Variants in VCAN observed in about 807,000 individuals in gnomAD.
VCAN encodes versican core protein.
In VCAN, 44 loss-of-function variants were observed where a neutral mutation model predicts 245.5. The observed-to-expected ratio is 0.18, with a 90% CI of 0.14 to 0.23. The LOEUF (loss-of-function observed/expected upper bound fraction) is 0.23, where lower values mean the gene tolerates loss of function less well. VCAN is among the 10% of genes least tolerant of loss of function. The pLI is 1.00. For missense variants in VCAN, 3,793 were observed against 4,057.9 expected (o/e 0.93, Z 1.77); for synonymous variants, 1,413 against 1,437.0 (o/e 0.98, Z 0.38).
intron 12 of VCAN, among the ~76,000 whole-genome samples, chr5:83,557,996 AGT>A (rs1183136277): frequency 6.6e-6 from 1 of 152,192 alleles, no homozygotes; most frequent in African/African-American, 2.4e-5. Context: ...GTAAAATAAA[AGT>A]GTGCTAAGGA....
In VCAN at chr5:83,580,439, T is replaced by G. The variant is rs1333989717; in HGVS notation, c.*5T>G. 6.2e-7 allele frequency: 1 copy of G among 1,613,704 alleles called. No homozygotes were observed. Among genetic ancestry groups the G allele is most frequent in the Non-Finnish European group, 8.5e-7 (1 of 1,179,816 alleles). ...TGGCAGGAGTCGAGGCGCTGATCCC[T>G]AAAATGGCGAACATGTGTTTTCATC... On this transcript the variant is annotated 3_prime_UTR_variant, in exon 15 of 15. Coordinates refer to ENST00000265077, the MANE Select transcript of VCAN (RefSeq NM_004385.5).
At position 83,537,096 on chromosome 5, in the gene VCAN, C is replaced by T. The variant is rs1319209136; in HGVS notation, c.4093C>T (p.His1365Tyr). Residue 1365 changes from histidine (H) to tyrosine (Y), a missense_variant, in exon 8 of 15, where the codon CAT becomes TAT. Coordinates refer to ENST00000265077, the MANE Select transcript of VCAN (RefSeq NM_004385.5). ...TTGTAGTGAAGAAACAGATCCAGTGCATGATCTAATGGCTGAAATTTTACC... is the reference window on the plus strand; with the variant it reads ...TTGTAGTGAAGAAACAGATCCAGTGTATGATCTAATGGCTGAAATTTTACC... ...EPCSEETDPV[H>Y]DLMAEILPEF... 1.2e-6 allele frequency: 2 copies of T among 1,613,822 alleles called. No individual in the cohort carries two copies. The highest frequency in any genetic ancestry group is 2.2e-5 in the East Asian group (1 of 44,862).
intron 1 of VCAN, among the ~76,000 whole-genome samples, chr5:83,480,557 GC>G (rs1313544463): frequency 3.3e-5 from 5 of 152,276 alleles, no homozygotes; most frequent in African/African-American, 1.2e-4. Flanking sequence ...AGAAATAGAG[GC>G]GTTGATCATG....
chr5:83,479,940 G>T (rs1485170098), intron 1 of VCAN, among the ~76,000 whole-genome samples: 2 of 152,120 alleles, frequency 1.3e-5, no homozygotes, highest in Admixed American at 1.3e-4. Flanking sequence ...AGTGGAAATG[G>T]GTAAGAGACT....
chr5:83,545,945 T>C (rs529998), intron 9 of VCAN, among the ~76,000 whole-genome samples: 92,976 of 152,012 alleles, frequency 0.61, 29,701 homozygotes, highest in African/African-American at 0.81. Context: ...AAATGTACAT[T>C]TATCCCCCAA....
chr5:83,516,737 G>C (rs1427864793), intron 6 of VCAN, among the ~76,000 whole-genome samples: 1 of 152,254 alleles, frequency 6.6e-6, no homozygotes, highest in East Asian at 1.9e-4. Context: ...GACACTGTTA[G>C]AATAATCTGG....
intron 1 of VCAN, among the ~76,000 whole-genome samples, chr5:83,474,189 G>A (rs1308316081): frequency 6.6e-6 from 1 of 152,058 alleles, no homozygotes; most frequent in Non-Finnish European, 1.5e-5. Context: ...GGCGGGCGTC[G>A]GACGGGAAAG....
At position 83,540,002 on chromosome 5, in the gene VCAN, A is replaced by G. The variant is rs1287941327; in HGVS notation, c.6999A>G (p.Ile2333Met). 3.1e-6 allele frequency: 5 copies of G among 1,614,108 alleles called. No homozygotes were observed. In the South Asian group the frequency reaches 4.4e-5, roughly 14 times the overall value. ...GSGSVTSTTL[I>M]EILSDTGAEG... Reference sequence around the variant, plus strand: ...GGTCAGTAACCAGCACAACATTAATAGAAATTTTAAGTGACACTGGAGCAG... The same window carrying G: ...GGTCAGTAACCAGCACAACATTAATGGAAATTTTAAGTGACACTGGAGCAG... Residue 2333 changes from isoleucine (I) to methionine (M), a missense_variant, in exon 8 of 15, where the codon ATA becomes ATG. By Grantham distance (10) the Ile-to-Met change is conservative. Coordinates refer to ENST00000265077, the MANE Select transcript of VCAN (RefSeq NM_004385.5).
chr5:83,486,470 A>C (rs1345332395), intron 2 of VCAN, among the ~76,000 whole-genome samples: 1 of 152,168 alleles, frequency 6.6e-6, no homozygotes, highest in African/African-American at 2.4e-5. Context: ...TCTTCCTCAA[A>C]GTTTTTGGGA....
At chr5:83,532,985 A>C (rs1278256069) in intron 7 of VCAN, among the ~76,000 whole-genome samples, 1 of 152,132 alleles carries the variant, frequency 6.6e-6, no homozygotes. Context: ...CTTCTCACAA[A>C]AAGATGGTAT....
chr5:83,531,628 C>T (rs1351986502), intron 7 of VCAN, among the ~76,000 whole-genome samples: 5 of 152,100 alleles, frequency 3.3e-5, no homozygotes, highest in African/African-American at 9.7e-5. Flanking sequence ...GATTGGTGTA[C>T]ATTTACGTTT....
intron 3 of VCAN, among the ~76,000 whole-genome samples, chr5:83,492,832 T>G (rs974171173): frequency 6.6e-6 from 1 of 152,252 alleles, no homozygotes; most frequent in Admixed American, 6.5e-5. Flanking sequence ...TGGTACATGG[T>G]GGTCTACTCA....
At chr5:83,506,092 G>T (rs1745474606) in intron 5 of VCAN, among the ~76,000 whole-genome samples, 1 of 152,206 alleles carries the variant, frequency 6.6e-6, no homozygotes, top group African/African-American at 2.4e-5. Context: ...CCTATGATGG[G>T]AGTGGCTGCT....
At chr5:83,514,738 A>T (rs555736694) in intron 6 of VCAN, among the ~76,000 whole-genome samples, 457 of 152,216 alleles carry the variant, frequency 3.0e-3, no homozygotes, top group Middle Eastern at 0.014. Flanking sequence ...GGATTACAGG[A>T]GTGAGCCACT....
At position 83,541,151 on chromosome 5, in the gene VCAN, G is replaced by A; in HGVS notation, c.8148G>A (p.Leu2716=). 1 of 1,614,042 alleles carries A rather than the reference G, an allele frequency of 6.2e-7. No homozygotes were observed. Among genetic ancestry groups the A allele is most frequent in the East Asian group, 2.2e-5 (1 of 44,830 alleles). Residue 2716 remains leucine (L), a synonymous_variant, in exon 8 of 15, where the codon CTG becomes CTA. Transcript: ENST00000265077. ...GAATAAAAGCTGAAGCAAAAGCCCTGGATGACATGTTTGAATCAAGCACTT... is the reference window on the plus strand; with the variant it reads ...GAATAAAAGCTGAAGCAAAAGCCCTAGATGACATGTTTGAATCAAGCACTT... ...IEGIKAEAKA[L]DDMFESSTLS... is the part of the protein sequence containing the mutation.
At chr5:83,578,860 A>AT (rs923776854) in intron 13 of VCAN, among the ~76,000 whole-genome samples, 4 of 152,140 alleles carry the variant, frequency 2.6e-5, no homozygotes, top group African/African-American at 4.8e-5. Context: ...ATCAAAGTTC[A>AT]TTTTTTTAAA....
At position 83,540,348 on chromosome 5, in the gene VCAN, C is replaced by T; in HGVS notation, c.7345C>T (p.Gln2449Ter). Residue 2449 changes from glutamine (Q) to a stop codon, truncating the protein, a stop_gained, in exon 8 of 15, where the codon CAG becomes TAG. Coordinates refer to ENST00000265077, the MANE Select transcript of VCAN (RefSeq NM_004385.5). LOFTEE classifies it high-confidence loss of function. Reference sequence around the variant, plus strand: ...TTCATTTCACACTTCTGCAACTACTCAGGCAACCAGACAAGAAAGCAGCAC... The same window carrying T: ...TTCATTTCACACTTCTGCAACTACTTAGGCAACCAGACAAGAAAGCAGCAC... ...VDSFHTSATT[Q>*]ATRQESSTTF... The T allele has an allele frequency of 6.2e-7, 1 of 1,614,082 alleles. No individual in the cohort carries two copies. Among genetic ancestry groups the T allele is most frequent in the Non-Finnish European group, 8.5e-7 (1 of 1,179,992 alleles).
intron 1 of VCAN, among the ~76,000 whole-genome samples, chr5:83,476,250 C>A (rs1223343177): frequency 1.3e-5 from 2 of 152,232 alleles, no homozygotes; most frequent in Non-Finnish European, 2.9e-5. Flanking sequence ...CAACTAAGCC[C>A]TCCTTTCCTG....
At chr5:83,499,016 G>A (rs190699968) in intron 5 of VCAN, among the ~76,000 whole-genome samples, 263 of 151,938 alleles carry the variant, frequency 1.7e-3, no homozygotes, top group African/African-American at 5.2e-3. Flanking sequence ...CGTGCATCTC[G>A]CCCTGCACAG....
Sources: gnomAD v4.1 joint callset for allele counts (sites outside exome capture counted in the v4.1 genomes callset) on GRCh38, gnomAD v4.1.1 for gene constraint, MANE v1.5 for transcripts, NCBI Gene and HGNC (gene_info 2026-07-23, HGNC 2026-07-21) for gene names.